FGF12: variants seen among roughly 807,000 people sequenced by gnomAD.
FGF12 encodes the protein fibroblast growth factor 12.
Under a neutral mutation model 23.6 loss-of-function variants are expected in FGF12, and 14 were observed. The observed-to-expected ratio is 0.59, with a 90% CI of 0.39 to 0.93. FGF12 has a LOEUF of 0.93. Among genes scored for constraint, FGF12 ranks in the 40% least tolerant of loss-of-function variants. The pLI is 0.00. For synonymous variants in FGF12, 62 were observed against 77.3 expected (o/e 0.80, Z 1.04); for missense variants, 175 against 217.8 (o/e 0.80, Z 1.24).
intron 4 of FGF12, among the ~76,000 whole-genome samples, chr3:192,175,221 C>T (rs9813207): frequency 0.25 from 37,767 of 151,924 alleles, 5,836 homozygotes; most frequent in African/African-American, 0.43. Context: ...GATAAAATCC[C>T]AGGCCACCTT....
intron 5 of FGF12, among the ~76,000 whole-genome samples, chr3:192,158,596 T>TCTCG (rs1560171837): frequency 1.4e-4 from 18 of 128,396 alleles, no homozygotes; most frequent in Non-Finnish European, 2.9e-4. Flanking sequence ...CTTCTCGTCT[T>TCTCG]TCTCTTTTTT....
chr3:192,662,293 T>G (rs1448817880), intron 2 of FGF12, among the ~76,000 whole-genome samples: 1 of 152,258 alleles, frequency 6.6e-6, no homozygotes, highest in Non-Finnish European at 1.5e-5. Context: ...GCAGGTTTGC[T>G]TTGGTAGCTG....
At chr3:192,656,028 A>G (rs9868628) in intron 2 of FGF12, among the ~76,000 whole-genome samples, 76,265 of 140,102 alleles carry the variant, frequency 0.54, 21,121 homozygotes, top group East Asian at 0.67. Flanking sequence ...TCCCTCATCC[A>G]GGAGGTTCAG....
At chr3:192,489,071 C>T (rs1184984301) in intron 2 of FGF12, among the ~76,000 whole-genome samples, 2 of 152,044 alleles carry the variant, frequency 1.3e-5, no homozygotes, top group African/African-American at 4.8e-5. Context: ...CTTGCCTGCG[C>T]TCTGGTTTCA....
In FGF12 at chr3:192,428,536, T is replaced by G. The variant is rs1721759476; in HGVS notation, c.14-67998A>C. ...AAAAGAAAAAAGAAAAAACACTGCT[T>G]GGAATGTTATTAATATATAAATGAT... On this transcript the variant is annotated intron_variant, in intron 2 of 5. Transcript: ENST00000445105. 2.0e-5 allele frequency among the ~76,000 whole-genome samples: 3 copies of G among 152,214 alleles called. No individual in the cohort carries two copies. In the South Asian group the frequency reaches 6.2e-4, roughly 32 times the overall value.
intron 2 of FGF12, among the ~76,000 whole-genome samples, chr3:192,660,641 A>G (rs529023172): frequency 3.9e-5 from 6 of 152,184 alleles, no homozygotes; most frequent in South Asian, 2.1e-4. Context: ...AAAATTTTCA[A>G]CTTACAAGGG....
intron 2 of FGF12, among the ~76,000 whole-genome samples, chr3:192,536,789 C>A (rs974796811): frequency 1.3e-5 from 2 of 151,786 alleles, no homozygotes; most frequent in African/African-American, 4.8e-5. Context: ...GGCATTTATC[C>A]TTTCTTTTTG....
chr3:192,376,244 T>C (rs4381887), intron 2 of FGF12, among the ~76,000 whole-genome samples: 81,796 of 151,700 alleles, frequency 0.54, 24,302 homozygotes, highest in African/African-American at 0.81. Context: ...ATCTCCAATT[T>C]AATCATTTTC....
intron 2 of FGF12, among the ~76,000 whole-genome samples, chr3:192,382,229 C>T (rs1016304040): frequency 1.3e-5 from 2 of 152,074 alleles, no homozygotes; most frequent in African/African-American, 2.4e-5. Flanking sequence ...ATCTCGACCA[C>T]GTGATCCACT....
chr3:192,158,372 T>TTCTTTCTTTCTTTCTTTCTTTCTTTCTTC (rs1560171472), intron 5 of FGF12, among the ~76,000 whole-genome samples: 8 of 121,528 alleles, frequency 6.6e-5, no homozygotes, highest in Non-Finnish European at 1.4e-4. Context: ...CTTTCTTTCT[T>TTCTTTCTTTCTTTCTTTCTTTCTTTCTTC]TCTTTCTTTC....
intron 2 of FGF12, among the ~76,000 whole-genome samples, chr3:192,670,057 T>G (rs1717052772): frequency 6.6e-6 from 1 of 152,176 alleles, no homozygotes; most frequent in Non-Finnish European, 1.5e-5. Context: ...AAAGAACTAT[T>G]AAAATATTCC....
At chr3:192,276,870 G>C (rs1201406584) in intron 4 of FGF12, among the ~76,000 whole-genome samples, 1 of 152,146 alleles carries the variant, frequency 6.6e-6, no homozygotes, top group African/African-American at 2.4e-5. Flanking sequence ...TACGTACTCA[G>C]AAAGGCCAAG....
intron 2 of FGF12, among the ~76,000 whole-genome samples, chr3:192,421,539 A>G (rs1383105550): frequency 6.6e-6 from 1 of 152,168 alleles, no homozygotes. Context: ...ATGAAGCTGG[A>G]AAGCATCATT....
chr3:192,585,669 A>G (rs570422741), intron 2 of FGF12, among the ~76,000 whole-genome samples: 13 of 152,166 alleles, frequency 8.5e-5, no homozygotes, highest in African/African-American at 3.1e-4. Context: ...GCTCAGCCTT[A>G]TCTTGCCATC....
intron 2 of FGF12, among the ~76,000 whole-genome samples, chr3:192,616,892 G>A (rs1714776774): frequency 6.6e-6 from 1 of 151,886 alleles, no homozygotes; most frequent in Non-Finnish European, 1.5e-5. Flanking sequence ...AATCAAACAT[G>A]AGAAAAATGT....
chr3:192,401,050 T>G (rs917602500), intron 2 of FGF12, among the ~76,000 whole-genome samples: 2 of 152,208 alleles, frequency 1.3e-5, no homozygotes, highest in African/African-American at 4.8e-5. Context: ...GAAGTTACAA[T>G]GAAATTTTTC....
At chr3:192,303,417 A>C (rs1413161450) in intron 4 of FGF12, among the ~76,000 whole-genome samples, 2 of 152,150 alleles carry the variant, frequency 1.3e-5, no homozygotes, top group African/African-American at 2.4e-5. Context: ...GAGAGATAGC[A>C]ACTCCTCCTA....
chr3:192,507,093 C>T (rs999707825), intron 2 of FGF12, among the ~76,000 whole-genome samples: 3 of 151,910 alleles, frequency 2.0e-5, no homozygotes, highest in South Asian at 2.1e-4. Context: ...GGGGTTTCAC[C>T]GTGTTAGCCA....
chr3:192,670,854 G>T (rs1717087185), intron 2 of FGF12, among the ~76,000 whole-genome samples: 1 of 152,180 alleles, frequency 6.6e-6, no homozygotes, highest in Admixed American at 6.5e-5. Context: ...CTCAAGGAAA[G>T]GCTTCATGAA....
Sources: allele counts gnomAD v4.1 joint callset (sites outside exome capture counted in the v4.1 genomes callset), GRCh38; gene constraint gnomAD v4.1.1; transcripts MANE v1.5; gene names NCBI Gene and HGNC (gene_info 2026-07-23, HGNC 2026-07-21).